Variants in ZNF423 observed in about 807,000 individuals in gnomAD.
ZNF423 encodes the protein zinc finger protein 423, also known as Ebf-associated zinc finger protein.
ZNF423 carries 12 observed loss-of-function variants against 95.8 expected under a neutral mutation model. The ratio of observed to expected loss-of-function variants is 0.13; its 90% confidence interval spans 0.08 to 0.20. ZNF423 has a LOEUF of 0.20. Ranked by LOEUF, ZNF423 falls within the 10% of genes least tolerant of loss-of-function variation. The pLI is 1.00. For missense variants in ZNF423, 1,316 were observed against 1,737.1 expected, an observed-to-expected ratio of 0.76 and a Z score of 4.31; for synonymous variants, 749 against 711.9, an observed-to-expected ratio of 1.05 and a Z score of -0.83.
intron 5 of ZNF423, among the ~76,000 whole-genome samples, chr16:49,570,624 C>T (rs891664477): frequency 2.6e-5 from 4 of 152,206 alleles, no homozygotes; most frequent in South Asian, 4.1e-4. Context: ...AACCAAACCA[C>T]TTAATTGAAT....
Position 49,490,143 on chromosome 16 carries a change from C to G in ZNF423, c.*1132G>C, listed in dbSNP as rs1404705872. On this transcript the variant is annotated 3_prime_UTR_variant, in exon 8 of 8. Coordinates refer to ENST00000563137, the MANE Select transcript of ZNF423 (RefSeq NM_001379286.1). ...CTCCTACCTGGCTCTGCTCTGCAGT[C>G]CCCAGTCACACATCTCCGTGCCTCA... 2 of 152,264 alleles carry G rather than the reference C, an allele frequency of 1.3e-5. No individual in the cohort carries two copies. The highest frequency in any genetic ancestry group is 3.9e-4 in the East Asian group (2 of 5,180). The allele number at this position is 152,264 out of a possible 1,614,324, so 9.4% of individuals were successfully genotyped here.
chr16:49,613,198 A>G, intron 5 of ZNF423, among the ~76,000 whole-genome samples: 1 of 152,226 alleles, frequency 6.6e-6, no homozygotes, highest in East Asian at 1.9e-4. Context: ...TGGAAAGGCA[A>G]AAAGAGCTAG....
chr16:49,590,050 A>ATATATATATATATATATATATATATG lies in ZNF423; in HGVS notation c.3601+36119_3601+36120insCATATATATATATATATATATATATA, dbSNP rs552421632. Among the ~76,000 whole-genome samples the ATATATATATATATATATATATATATG allele has an allele frequency of 6.6e-3, 770 of 117,366 alleles. 70 individuals carry two copies. Among genetic ancestry groups the ATATATATATATATATATATATATATG allele is most frequent in the Middle Eastern group, 0.032 (6 of 186 alleles). 77.0% of individuals were successfully genotyped at this position (117,366 alleles called of 152,430 possible). A position where few individuals can be genotyped will look rare whatever the true frequency, so the allele number is the denominator to read the frequency against. The stretch of plus-strand genomic sequence containing the variant: ...GGCGAATATATATATATATATATAT[A>ATATATATATATATATATATATATATG]TTTGGTCCATACAGACGTGACCAGA... On this transcript the variant is annotated intron_variant, in intron 5 of 7. Transcript: ENST00000563137.
chr16:49,524,307 G>A (rs1434683858), intron 6 of ZNF423, among the ~76,000 whole-genome samples: 1 of 152,224 alleles, frequency 6.6e-6, no homozygotes, highest in Admixed American at 6.5e-5. Flanking sequence ...TCTTGTACAA[G>A]AAGTTGCTCA....
chr16:49,847,621 C>G (rs1409634023), intron 1 of ZNF423: 1 of 148,006 alleles, frequency 6.8e-6, no homozygotes, highest in African/African-American at 2.5e-5. Flanking sequence ...AACATACCCC[C>G]CCGCCCCCCG....
chr16:49,612,088 C>T (rs975428374), intron 5 of ZNF423, among the ~76,000 whole-genome samples: 1 of 152,084 alleles, frequency 6.6e-6, no homozygotes, highest in African/African-American at 2.4e-5. Context: ...TTCTACATAA[C>T]TTCTTTTGGA....
rs1966896466 is a variant in ZNF423, at chr16:49,489,775, G to C, written c.*1500C>G. 1 of 152,330 alleles carries C rather than the reference G, an allele frequency of 6.6e-6. No individual in the cohort carries two copies. Among genetic ancestry groups the C allele is most frequent in the African/African-American group, 2.4e-5 (1 of 41,460 alleles). 9.4% of individuals were successfully genotyped at this position (152,330 alleles called of 1,614,324 possible). A position where few individuals can be genotyped will look rare whatever the true frequency, so the allele number is the denominator to read the frequency against. ...CCCCTTGTGAAAAGTTAGCAAGGAA[G>C]GGTTTCCCCGTGCAAGTTCTGGCCT... On this transcript the variant is annotated 3_prime_UTR_variant, in exon 8 of 8. Coordinates refer to ENST00000563137, the MANE Select transcript of ZNF423 (RefSeq NM_001379286.1).
chr16:49,727,969 C>T (rs2033069386), intron 3 of ZNF423, among the ~76,000 whole-genome samples: 1 of 152,172 alleles, frequency 6.6e-6, no homozygotes, highest in Admixed American at 6.5e-5. Flanking sequence ...AAATCAGAGG[C>T]CAATTTTCAA....
chr16:49,610,944 G>T (rs761865558), intron 5 of ZNF423, among the ~76,000 whole-genome samples: 1 of 151,924 alleles, frequency 6.6e-6, no homozygotes, highest in Non-Finnish European at 1.5e-5. Context: ...TGATAAAGGG[G>T]TCAATCTACC....
intron 3 of ZNF423, among the ~76,000 whole-genome samples, chr16:49,712,750 CG>C (rs1483342934): frequency 1.4e-4 from 21 of 152,220 alleles, no homozygotes; most frequent in Non-Finnish European, 2.6e-4. Context: ...CTGGGGGTCC[CG>C]GGAGCGGCGC....
intron 3 of ZNF423, among the ~76,000 whole-genome samples, chr16:49,663,065 A>G (rs2030328197): frequency 6.6e-6 from 1 of 152,152 alleles, no homozygotes; most frequent in Non-Finnish European, 1.5e-5. Flanking sequence ...AGGCGCTGGC[A>G]GAGGAGGCCC....
chr16:49,492,480 G>T lies in ZNF423; in HGVS notation c.3850-1176C>A, dbSNP rs1315314796. On this transcript the variant is annotated intron_variant, in intron 7 of 7. Coordinates refer to ENST00000563137, the MANE Select transcript of ZNF423 (RefSeq NM_001379286.1). The surrounding 1 kb of genome is among the most constrained non-coding windows in gnomAD (Gnocchi z 4.2). ...GCCTCGCCCGGAGGCCGAGGCCGGG[G>T]CCGGGGCCGGGGCCGGGGCCGAGAC... Among the ~76,000 whole-genome samples the T allele has an allele frequency of 2.1e-5, 3 of 145,082 alleles. No individual in the cohort carries two copies. Among genetic ancestry groups the T allele is most frequent in the Non-Finnish European group, 4.4e-5 (3 of 67,466 alleles).
chr16:49,844,572 G>A (rs2035223387), intron 1 of ZNF423, among the ~76,000 whole-genome samples: 1 of 152,208 alleles, frequency 6.6e-6, no homozygotes, highest in Non-Finnish European at 1.5e-5. Context: ...GCAAAGGCCT[G>A]TGCTCCCTCT....
At chr16:49,679,274 C>T (rs575115769) in intron 3 of ZNF423, among the ~76,000 whole-genome samples, 2 of 152,332 alleles carry the variant, frequency 1.3e-5, no homozygotes, top group South Asian at 2.1e-4. Flanking sequence ...CTGCGCCCTC[C>T]GTGGAGCTGG....
At chr16:49,500,379 CT>C (rs973169981) in intron 7 of ZNF423, among the ~76,000 whole-genome samples, 3 of 152,188 alleles carry the variant, frequency 2.0e-5, no homozygotes, top group Non-Finnish European at 4.4e-5. Context: ...CTGCACTGAT[CT>C]TGTCAACCTG....
chr16:49,829,866 C>T (rs1057298370), intron 1 of ZNF423, among the ~76,000 whole-genome samples: 4 of 152,104 alleles, frequency 2.6e-5, no homozygotes, highest in Non-Finnish European at 4.4e-5. Flanking sequence ...GGGGGACAAG[C>T]GGCTCCTTCA....
intron 4 of ZNF423, among the ~76,000 whole-genome samples, chr16:49,630,823 C>T (rs1422341907): frequency 5.3e-5 from 8 of 152,086 alleles, no homozygotes; most frequent in Non-Finnish European, 1.2e-4. Flanking sequence ...GAACACTGCC[C>T]AATAACTGAG....
At chr16:49,598,603 G>T (rs1971257111) in intron 5 of ZNF423, among the ~76,000 whole-genome samples, 1 of 152,226 alleles carries the variant, frequency 6.6e-6, no homozygotes, top group South Asian at 2.1e-4. Flanking sequence ...GGACAAAACT[G>T]GGTAGGGCAT....
chr16:49,550,956 G>A (rs113071805), intron 5 of ZNF423, among the ~76,000 whole-genome samples: 1 of 152,224 alleles, frequency 6.6e-6, no homozygotes, highest in African/African-American at 2.4e-5. Context: ...TTGTGGCTGG[G>A]TTTGCAGGAA....
Sources: allele counts gnomAD v4.1 joint callset (sites outside exome capture counted in the v4.1 genomes callset), GRCh38; gene constraint gnomAD v4.1.1; non-coding constraint Gnocchi (gnomAD v3.1); transcripts MANE v1.5; gene names NCBI Gene and HGNC (gene_info 2026-07-23, HGNC 2026-07-21).